YAP1: variants seen among roughly 807,000 people sequenced by gnomAD.
YAP1 encodes the protein transcriptional coactivator YAP1.
A neutral mutation model predicts 56.9 loss-of-function variants in YAP1; 5 were observed. That is an observed-to-expected ratio of 0.09 (90% CI 0.05 to 0.18). The LOEUF is 0.18. Ranked by LOEUF, YAP1 falls within the 10% of genes least tolerant of loss-of-function variation. The pLI, the probability that YAP1 is intolerant of heterozygous loss-of-function variation, is 1.00. For synonymous variants in YAP1, 265 were observed against 248.1 expected (o/e 1.07, Z -0.64); for missense variants, 539 against 651.8 (o/e 0.83, Z 1.88).
At chr11:102,171,050 G>A (rs961071163) in intron 3 of YAP1, among the ~76,000 whole-genome samples, 1 of 151,684 alleles carries the variant, frequency 6.6e-6, no homozygotes, top group African/African-American at 2.4e-5. Context: ...ATTACATATT[G>A]GGGCATAAAA....
At chr11:102,210,976 C>T (rs893931970) in intron 6 of YAP1, among the ~76,000 whole-genome samples, 8 of 152,062 alleles carry the variant, frequency 5.3e-5, no homozygotes, top group African/African-American at 1.2e-4. Context: ...AGGATGGTCT[C>T]GATCTCCTGA....
intron 2 of YAP1, among the ~76,000 whole-genome samples, chr11:102,145,896 G>A (rs536872465): frequency 6.6e-6 from 1 of 152,256 alleles, no homozygotes; most frequent in East Asian, 1.9e-4. Flanking sequence ...ATTCCTGACT[G>A]TCTTGAAGTC....
chr11:102,185,438 A>G (rs899426479), intron 3 of YAP1, among the ~76,000 whole-genome samples: 8 of 152,026 alleles, frequency 5.3e-5, no homozygotes, highest in African/African-American at 1.9e-4. Context: ...CCCATTAGCA[A>G]TTTCTGGTCT....
intron 6 of YAP1, among the ~76,000 whole-genome samples, chr11:102,217,601 C>T (rs761142141): frequency 2.6e-5 from 4 of 151,906 alleles, no homozygotes; most frequent in East Asian, 1.9e-4. Flanking sequence ...TAGAAAATAC[C>T]GAATAATCTA....
chr11:102,191,485 T>A (rs1404562391), intron 4 of YAP1, among the ~76,000 whole-genome samples: 2 of 152,124 alleles, frequency 1.3e-5, no homozygotes, highest in African/African-American at 4.8e-5. Flanking sequence ...TTGAATTTGA[T>A]CTTTTGATAC....
At chr11:102,137,263 A>T (rs1944726712) in intron 2 of YAP1, among the ~76,000 whole-genome samples, 1 of 152,202 alleles carries the variant, frequency 6.6e-6, no homozygotes, top group African/African-American at 2.4e-5. Flanking sequence ...ATAAGTGGTA[A>T]TACCTACTAA....
At chr11:102,137,947 G>A (rs753317612) in intron 2 of YAP1, among the ~76,000 whole-genome samples, 1 of 152,000 alleles carries the variant, frequency 6.6e-6, no homozygotes, top group Non-Finnish European at 1.5e-5. Flanking sequence ...GCGTGTTGTG[G>A]TGCTATCTCA....
chr11:102,176,485 C>T lies in YAP1; in HGVS notation c.689-9533C>T, dbSNP rs773888783. ...GAATTGGGTCAGGCACGGTGGCTCA[C>T]GCCTGTAATCCCAGCACTTTGGGAG... On this transcript the variant is annotated intron_variant, in intron 3 of 8. Transcript: ENST00000282441. 3.9e-5 allele frequency among the ~76,000 whole-genome samples: 6 copies of T among 152,010 alleles called. 1 individual carries two copies. Among genetic ancestry groups the T allele is most frequent in the South Asian group, 4.1e-4 (2 of 4,828 alleles).
intron 2 of YAP1, among the ~76,000 whole-genome samples, chr11:102,160,288 G>C (rs936824806): frequency 1.6e-4 from 24 of 152,154 alleles, no homozygotes; most frequent in African/African-American, 5.3e-4. Flanking sequence ...CTCCCAAAGA[G>C]CTGGGATTAC....
chr11:102,215,296 A>G (rs1011849383), intron 6 of YAP1, among the ~76,000 whole-genome samples: 2 of 152,202 alleles, frequency 1.3e-5, no homozygotes, highest in African/African-American at 4.8e-5. Flanking sequence ...TTTCCAGTTC[A>G]CTAAGTTAAT....
intron 2 of YAP1, 82 bp downstream of exon 2, chr11:102,114,476 A>G: frequency 6.9e-7 from 1 of 1,453,676 alleles, no homozygotes; most frequent in Non-Finnish European, 9.3e-7. Context: ...CAAGATACAG[A>G]ATATCATTTA....
In YAP1 at chr11:102,231,489, G is replaced by A. The variant is rs1950433576; in HGVS notation, c.*1549G>A. 6.6e-6 allele frequency: 1 copy of A among 152,598 alleles called. No homozygotes were observed. The highest frequency in any genetic ancestry group is 1.5e-5 in the Non-Finnish European group (1 of 68,016). 9.5% of individuals were successfully genotyped at this position (152,598 alleles called of 1,614,324 possible). A position where few individuals can be genotyped will look rare whatever the true frequency, so the allele number is the denominator to read the frequency against. On this transcript the variant is annotated 3_prime_UTR_variant, in exon 9 of 9. Transcript: ENST00000282441. The stretch of plus-strand genomic sequence containing the variant: ...TGGAAAAGTGATCAGATTAATAAAT[G>A]TATATTGGTAGTTGAATTTAGCAAA...
At chr11:102,181,484 T>C (rs945331911) in intron 3 of YAP1, among the ~76,000 whole-genome samples, 1 of 151,962 alleles carries the variant, frequency 6.6e-6, no homozygotes, top group Admixed American at 6.6e-5. Context: ...AAATAATAAC[T>C]CCTATGGGTC....
chr11:102,125,933 C>T (rs1944012525), intron 2 of YAP1, among the ~76,000 whole-genome samples: 1 of 152,096 alleles, frequency 6.6e-6, no homozygotes, highest in Non-Finnish European at 1.5e-5. Flanking sequence ...CCTCTTTTAG[C>T]AGCCACTATC....
At chr11:102,177,051 G>A (rs537629507) in intron 3 of YAP1, among the ~76,000 whole-genome samples, 1 of 152,272 alleles carries the variant, frequency 6.6e-6, no homozygotes, top group East Asian at 1.9e-4. Context: ...AGGGATGAGA[G>A]GGAGTTAGCT....
chr11:102,190,283 G>A (rs568336695), intron 4 of YAP1, among the ~76,000 whole-genome samples: 3 of 152,236 alleles, frequency 2.0e-5, no homozygotes, highest in South Asian at 4.1e-4. Flanking sequence ...ATTACTTAGC[G>A]TACAGAGGAA....
At chr11:102,208,514 G>A (rs1196642063) in intron 5 of YAP1, among the ~76,000 whole-genome samples, 4 of 151,996 alleles carry the variant, frequency 2.6e-5, no homozygotes, top group Non-Finnish European at 5.9e-5. Context: ...GATGGAGAAA[G>A]GAAGCATTAT....
In YAP1 at chr11:102,158,867, G is replaced by A. The variant is rs563110982; in HGVS notation, c.573-3589G>A. On this transcript the variant is annotated intron_variant, in intron 2 of 8. Transcript: ENST00000282441. The stretch of plus-strand genomic sequence containing the variant: ...TCCTTAAATAAGGGTTATAGATTCA[G>A]CATTTGAAAATAAAACACACAATCA... Among the ~76,000 whole-genome samples, 4 of 152,242 alleles carry A rather than the reference G, an allele frequency of 2.6e-5. No homozygotes were observed. The South Asian group carries it at 8.3e-4, about 32-fold the overall frequency.
intron 1 of YAP1, among the ~76,000 whole-genome samples, chr11:102,111,907 G>A (rs1466691208): frequency 1.3e-5 from 2 of 150,556 alleles, no homozygotes; most frequent in Non-Finnish European, 2.9e-5. Flanking sequence ...GGCTTCCCCT[G>A]CCCAGACTTT....
Sources: allele counts gnomAD v4.1 joint callset (sites outside exome capture counted in the v4.1 genomes callset), GRCh38; gene constraint gnomAD v4.1.1; transcripts MANE v1.5; gene names NCBI Gene and HGNC (gene_info 2026-07-23, HGNC 2026-07-21).